DISC1: variants seen among roughly 807,000 people sequenced by gnomAD.
The protein encoded by DISC1 is DISC1 scaffold protein, also known as disrupted in schizophrenia 1 protein.
Under a neutral mutation model 84.5 loss-of-function variants are expected in DISC1, and 57 were observed. The observed-to-expected ratio is 0.67, with a 90% CI of 0.55 to 0.84. The LOEUF (loss-of-function observed/expected upper bound fraction) is 0.84. Among genes scored for constraint, DISC1 ranks in the 40% least tolerant of loss-of-function variants. DISC1 has a pLI of 0.00. For synonymous variants in DISC1, 411 were observed against 415.2 expected (o/e 0.99, Z 0.12); for missense variants, 1,000 against 1,057.8 (o/e 0.95, Z 0.76).
chr1:231,973,346 G>A (rs749697112), intron 10 of DISC1, among the ~76,000 whole-genome samples: 2 of 151,934 alleles, frequency 1.3e-5, no homozygotes, highest in South Asian at 2.1e-4. Context: ...GCACCCGGCC[G>A]CCAATGTCTT....
chr1:231,989,363 A>G (rs701163), intron 10 of DISC1, among the ~76,000 whole-genome samples: 54,449 of 152,100 alleles, frequency 0.36, 11,298 homozygotes, highest in African/African-American at 0.57. Flanking sequence ...GATGGCATAA[A>G]GATAACGCAA....
At chr1:231,719,871 A>C (rs1030079270) in intron 3 of DISC1, among the ~76,000 whole-genome samples, 10 of 152,238 alleles carry the variant, frequency 6.6e-5, no homozygotes, top group Admixed American at 6.5e-4. Context: ...GTCACAGTAG[A>C]CAAACAAAGT....
At chr1:232,026,228 G>A (rs1200224613) in intron 11 of DISC1, among the ~76,000 whole-genome samples, 1 of 152,114 alleles carries the variant, frequency 6.6e-6, no homozygotes. Flanking sequence ...GGTGGCCTGT[G>A]GAACTGCATA....
At chr1:231,807,355 A>G (rs1348618625) in intron 8 of DISC1, among the ~76,000 whole-genome samples, 2 of 152,254 alleles carry the variant, frequency 1.3e-5, no homozygotes, top group East Asian at 3.9e-4. Flanking sequence ...GGCATCCTGC[A>G]TGCACTTCCA....
intron 10 of DISC1, among the ~76,000 whole-genome samples, chr1:232,004,978 TTCCA>T (rs1253890950): frequency 1.6e-5 from 2 of 121,620 alleles, no homozygotes; most frequent in Admixed American, 7.8e-5. Context: ...CTTCCCTTCC[TTCCA>T]TCCTTCTTCT....
At chr1:231,959,837 T>C (rs565720838) in intron 10 of DISC1, among the ~76,000 whole-genome samples, 1 of 152,294 alleles carries the variant, frequency 6.6e-6, no homozygotes. Flanking sequence ...TGAGGAGAGC[T>C]TGCACCTGGG....
intron 11 of DISC1, among the ~76,000 whole-genome samples, chr1:232,011,753 CT>C (rs1443125646): frequency 6.6e-6 from 1 of 152,098 alleles, no homozygotes. Flanking sequence ...GTGAATTTTA[CT>C]GTGTATGACT....
intron 9 of DISC1, among the ~76,000 whole-genome samples, chr1:231,834,897 G>T (rs1285056903): frequency 1.3e-5 from 2 of 152,202 alleles, no homozygotes; most frequent in Admixed American, 6.5e-5. Flanking sequence ...AACACCAAGC[G>T]AAGACTGTCT....
At chr1:231,741,574 A>C (rs1370102481) in intron 3 of DISC1, among the ~76,000 whole-genome samples, 1 of 152,136 alleles carries the variant, frequency 6.6e-6, no homozygotes, top group Non-Finnish European at 1.5e-5. Context: ...GGCCTTGAAC[A>C]TGTGGAGGTG....
intron 1 of DISC1, among the ~76,000 whole-genome samples, chr1:231,628,886 C>T (rs574695700): frequency 6.4e-4 from 98 of 152,186 alleles, no homozygotes; most frequent in African/African-American, 9.6e-4. Flanking sequence ...GGATTACAGG[C>T]GCATGCCACC....
intron 9 of DISC1, among the ~76,000 whole-genome samples, chr1:231,863,163 A>G (rs1339280521): frequency 6.6e-6 from 1 of 150,804 alleles, no homozygotes; most frequent in African/African-American, 2.4e-5. Flanking sequence ...GCTCATTGCC[A>G]TGAAAATATA....
chr1:231,778,867 G>A (rs550537132), intron 6 of DISC1, among the ~76,000 whole-genome samples: 1 of 152,244 alleles, frequency 6.6e-6, no homozygotes, highest in Non-Finnish European at 1.5e-5. Flanking sequence ...TGGCCAAGGA[G>A]ACCCCAGAGA....
chr1:231,869,937 C>T (rs1282437076), intron 9 of DISC1, among the ~76,000 whole-genome samples: 2 of 151,926 alleles, frequency 1.3e-5, no homozygotes, highest in African/African-American at 4.8e-5. Flanking sequence ...GGGGAGAGCC[C>T]GTGTATGAAA....
intron 1 of DISC1, among the ~76,000 whole-genome samples, chr1:231,678,635 A>C (rs1558310046): frequency 6.6e-6 from 1 of 151,662 alleles, no homozygotes; most frequent in Non-Finnish European, 1.5e-5. Context: ...TAAATTCAGA[A>C]CTCTCTTGAC....
At chr1:231,947,650 T>G (rs1015176230) in intron 9 of DISC1, among the ~76,000 whole-genome samples, 4 of 152,070 alleles carry the variant, frequency 2.6e-5, no homozygotes, top group African/African-American at 7.2e-5. Context: ...CAAAAGAAAT[T>G]ATCATCAGCA....
chr1:231,999,674 G>A (rs779640916), intron 10 of DISC1, among the ~76,000 whole-genome samples: 99 of 152,178 alleles, frequency 6.5e-4, no homozygotes, highest in Non-Finnish European at 1.2e-3. Context: ...TTGTCCTCCA[G>A]AGTCTGAGAC....
chr1:231,785,855 A>C (rs915602660), intron 6 of DISC1, among the ~76,000 whole-genome samples: 10 of 152,230 alleles, frequency 6.6e-5, no homozygotes, highest in Admixed American at 5.9e-4. Flanking sequence ...ATACACAGGC[A>C]GGAAGATGAG....
intron 10 of DISC1, among the ~76,000 whole-genome samples, chr1:232,006,106 G>A (rs1667403258): frequency 6.6e-6 from 1 of 152,104 alleles, no homozygotes; most frequent in Non-Finnish European, 1.5e-5. Flanking sequence ...CTGAATATTA[G>A]TTGTCATGGT....
intron 10 of DISC1, among the ~76,000 whole-genome samples, chr1:231,973,818 AG>A (rs1662395144): frequency 6.6e-6 from 1 of 152,234 alleles, no homozygotes; most frequent in South Asian, 2.1e-4. Context: ...TAATAGTAAT[AG>A]CAAGGAGACC....
Sources: allele counts gnomAD v4.1 joint callset (sites outside exome capture counted in the v4.1 genomes callset), GRCh38; gene constraint gnomAD v4.1.1; transcripts MANE v1.5; gene names NCBI Gene and HGNC (gene_info 2026-07-23, HGNC 2026-07-21).